Variants in CSMD3 observed in about 807,000 individuals in gnomAD.
The protein encoded by CSMD3 is CUB and sushi domain-containing protein 3.
Under a neutral mutation model 435.2 loss-of-function variants are expected in CSMD3, and 177 were observed. The ratio of observed to expected loss-of-function variants is 0.41; its 90% CI spans 0.36 to 0.46. The LOEUF is 0.46. Ranked by LOEUF, CSMD3 falls within the 20% of genes least tolerant of loss-of-function variation. The probability of loss-of-function intolerance (pLI) is 0.34; values close to 1 mark genes in which losing one functional copy is unlikely to be tolerated. For synonymous variants in CSMD3, 1,656 were observed against 1,520.5 expected, an observed-to-expected ratio of 1.09 and a Z score of -2.07; for missense variants, 4,265 against 4,504.6, an observed-to-expected ratio of 0.95 and a Z score of 1.52.
chr8:112,684,629 G>GT (rs544895918), intron 15 of CSMD3, among the ~76,000 whole-genome samples: 63 of 151,884 alleles, frequency 4.1e-4, no homozygotes, highest in African/African-American at 1.4e-3. Flanking sequence ...ATCCACTAAG[G>GT]TTTTTTTCTT....
chr8:112,595,236 G>A (rs1195527325), intron 22 of CSMD3, among the ~76,000 whole-genome samples: 8 of 151,892 alleles, frequency 5.3e-5, no homozygotes, highest in Non-Finnish European at 7.4e-5. Context: ...CTCAGGAGTC[G>A]ATGCGATCAA....
chr8:112,963,793 T>A (rs1365113538), intron 7 of CSMD3, among the ~76,000 whole-genome samples: 1 of 152,000 alleles, frequency 6.6e-6, no homozygotes, highest in East Asian at 1.9e-4. Context: ...TTGTATAACT[T>A]ATACATGAGA....
intron 7 of CSMD3, among the ~76,000 whole-genome samples, chr8:112,966,272 T>C (rs773279436): frequency 6.6e-6 from 1 of 151,668 alleles, no homozygotes; most frequent in Non-Finnish European, 1.5e-5. Flanking sequence ...CTATTATTAG[T>C]TATGCTTTAA....
chr8:113,084,327 A>C (rs192382906), intron 5 of CSMD3, among the ~76,000 whole-genome samples: 59 of 152,222 alleles, frequency 3.9e-4, no homozygotes, highest in Admixed American at 2.7e-3. Flanking sequence ...AGTTAAAAAT[A>C]AGTCAAGAAA....
intron 13 of CSMD3, among the ~76,000 whole-genome samples, chr8:112,734,934 C>A (rs980259582): frequency 5.3e-5 from 8 of 152,070 alleles, no homozygotes; most frequent in African/African-American, 1.7e-4. Flanking sequence ...AAAGGCTGCA[C>A]AGGGAAAGGT....
chr8:112,499,932 AACCCCG>A (rs1196827882), intron 30 of CSMD3, among the ~76,000 whole-genome samples: 1 of 151,990 alleles, frequency 6.6e-6, no homozygotes, highest in Non-Finnish European at 1.5e-5. Context: ...AACATGGTGA[AACCCCG>A]TCTCTACTAA....
At position 112,552,661 on chromosome 8, in the gene CSMD3, G is replaced by T. The variant is rs1162372651; in HGVS notation, c.4294C>A (p.Pro1432Thr). The T allele has an allele frequency of 6.2e-7, 1 of 1,611,744 alleles. No individual in the cohort carries two copies. Among genetic ancestry groups the T allele is most frequent in the African/African-American group, 1.3e-5 (1 of 74,802 alleles). The change falls in exon 26 of 71, where the codon CCT becomes ACT. Residue 1432 changes from proline (P) to threonine (T), a missense_variant. Transcript: ENST00000297405. ...SSGRILSPGY[P>T]FPYDNNLRCM... ...CGCAGGTTATTGTCATATGGAAAAG[G>T]ATAGCCAGGAGATAAGATTCTTCCT...
At chr8:112,668,246 T>C (rs2075573001) in intron 16 of CSMD3, among the ~76,000 whole-genome samples, 2 of 152,300 alleles carry the variant, frequency 1.3e-5, no homozygotes, top group African/African-American at 2.4e-5. Context: ...TAGGGTTATG[T>C]ATTTCAAAAA....
At chr8:112,712,772 C>T (rs1563883260) in intron 13 of CSMD3, among the ~76,000 whole-genome samples, 1 of 147,464 alleles carries the variant, frequency 6.8e-6, no homozygotes, top group East Asian at 2.0e-4. Context: ...CCTTGACATG[C>T]CAAGACTGTG....
intron 53 of CSMD3, among the ~76,000 whole-genome samples, chr8:112,299,541 A>G (rs967233288): frequency 6.6e-6 from 1 of 152,152 alleles, no homozygotes; most frequent in African/African-American, 2.4e-5. Context: ...TATGAAAAAA[A>G]TGCTAATTGT....
intron 5 of CSMD3, among the ~76,000 whole-genome samples, chr8:113,056,194 G>A (rs1335995181): frequency 1.3e-5 from 2 of 152,166 alleles, no homozygotes; most frequent in Non-Finnish European, 2.9e-5. Flanking sequence ...TTGAGTGCTT[G>A]AACAGAGCAG....
chr8:112,587,086 C>T lies in CSMD3; in HGVS notation c.3865G>A (p.Ala1289Thr), dbSNP rs773776366. The part of the protein sequence containing the change: ...INISARTFHL[A>T]QGDVLKIYDG... ...CCTACCTTAAGAACATCTCCTTGTG[C>T]TAAATGAAATGTTCTGGCTGAAATA... Residue 1289 changes from alanine (A) to threonine (T), a missense_variant, in exon 23 of 71, where the codon GCA (alanine) becomes ACA (threonine). Transcript: ENST00000297405. 3.1e-6 allele frequency: 5 copies of T among 1,610,494 alleles called. No homozygotes were observed. In the Admixed American group the frequency reaches 6.7e-5, roughly 22 times the overall value.
chr8:112,374,126 A>AT (rs1403607276), intron 38 of CSMD3, among the ~76,000 whole-genome samples: 3 of 152,174 alleles, frequency 2.0e-5, no homozygotes, highest in Admixed American at 6.5e-5. Context: ...ATTCTCCCGA[A>AT]TTTAAACTCA....
intron 1 of CSMD3, among the ~76,000 whole-genome samples, chr8:113,322,869 C>G (rs1440701892): frequency 2.6e-5 from 4 of 152,084 alleles, no homozygotes; most frequent in African/African-American, 9.7e-5. Flanking sequence ...TCTCAGCCTC[C>G]TGAGTAGCTG....
Position 112,314,413 on chromosome 8 carries a change from T to C in CSMD3, c.7549+16A>G, listed in dbSNP as rs765544855. 1.2e-5 allele frequency: 18 copies of C among 1,546,858 alleles called. No individual in the cohort carries two copies. In the South Asian group the frequency reaches 1.8e-4, roughly 15 times the overall value. On this transcript the variant is annotated intron_variant, in intron 48 of 70. Transcript: ENST00000297405. ...ACTTAATTGATGAATATCCAATAAA[T>C]ATAACCCTTGGTTACCATCATACAC...
At chr8:112,873,190 A>C (rs1587537757) in intron 10 of CSMD3, among the ~76,000 whole-genome samples, 1 of 152,158 alleles carries the variant, frequency 6.6e-6, no homozygotes, top group Non-Finnish European at 1.5e-5. Flanking sequence ...ATAATCCAAA[A>C]AAATCATAAA....
At chr8:112,282,232 G>A (rs904880034) in intron 58 of CSMD3, among the ~76,000 whole-genome samples, 10 of 138,330 alleles carry the variant, frequency 7.2e-5, no homozygotes, top group South Asian at 2.1e-4. Context: ...TATAACTGCC[G>A]TGTGTGTGTG....
intron 32 of CSMD3, among the ~76,000 whole-genome samples, chr8:112,469,292 T>C (rs1184748596): frequency 6.6e-6 from 1 of 152,208 alleles, no homozygotes; most frequent in Non-Finnish European, 1.5e-5. Context: ...TGTTAGACTA[T>C]TTCAGAGACA....
At chr8:112,410,668 A>G (rs1266232199) in intron 32 of CSMD3, among the ~76,000 whole-genome samples, 3 of 118,028 alleles carry the variant, frequency 2.5e-5, no homozygotes, top group Non-Finnish European at 3.7e-5. Context: ...ATATGTATAT[A>G]TATATGTGTA....
Sources: gnomAD v4.1 joint callset for allele counts (sites outside exome capture counted in the v4.1 genomes callset) on GRCh38, gnomAD v4.1.1 for gene constraint, MANE v1.5 for transcripts, NCBI Gene and HGNC (gene_info 2026-07-23, HGNC 2026-07-21) for gene names.